Variants in ENOX1 observed in about 807,000 individuals in gnomAD.
The protein encoded by ENOX1 is ecto-NOX disulfide-thiol exchanger 1, also known as candidate growth-related and time keeping constitutive hydroquinone (NADH) oxidase.
A neutral mutation model predicts 82.5 loss-of-function variants in ENOX1; 42 were observed. The ratio of observed to expected loss-of-function variants is 0.51; its 90% confidence interval spans 0.40 to 0.66. The LOEUF (loss-of-function observed/expected upper bound fraction) is 0.66, where lower values mean the gene tolerates loss of function less well. Among genes scored for constraint, ENOX1 ranks in the 30% least tolerant of loss-of-function variants. ENOX1 has a pLI of 0.00. For synonymous variants in ENOX1, 271 were observed against 282.2 expected, an observed-to-expected ratio of 0.96 and a Z score of 0.40; for missense variants, 608 against 811.6, an observed-to-expected ratio of 0.75 and a Z score of 3.05.
At chr13:43,774,478 TTGA>T (rs1951809085) in intron 1 of ENOX1, among the ~76,000 whole-genome samples, 1 of 112,042 alleles carries the variant, frequency 8.9e-6, no homozygotes, top group Non-Finnish European at 1.8e-5. Flanking sequence ...GTGCACGTGA[TTGA>T]TTTTTTCCAA....
At chr13:43,327,756 A>C (rs2048194715) in intron 9 of ENOX1, among the ~76,000 whole-genome samples, 1 of 152,206 alleles carries the variant, frequency 6.6e-6, no homozygotes, top group Admixed American at 6.5e-5. Flanking sequence ...CAGAAGAACA[A>C]CACTTGGTGC....
At chr13:43,222,293 G>A (rs1309592130) in intron 16 of ENOX1, among the ~76,000 whole-genome samples, 1 of 151,864 alleles carries the variant, frequency 6.6e-6, no homozygotes, top group Non-Finnish European at 1.5e-5. Flanking sequence ...AATAGAACAA[G>A]AGCTTCTACC....
chr13:43,484,545 G>A (rs966844398), intron 2 of ENOX1, among the ~76,000 whole-genome samples: 1 of 152,022 alleles, frequency 6.6e-6, no homozygotes, highest in African/African-American at 2.4e-5. Context: ...AAAAGTATTG[G>A]CTCCATTTTA....
intron 3 of ENOX1, among the ~76,000 whole-genome samples, chr13:43,438,440 G>C (rs1256487659): frequency 6.6e-6 from 1 of 152,044 alleles, no homozygotes; most frequent in Admixed American, 6.5e-5. Context: ...CATGTGTGAG[G>C]GCCCAAGAAG....
At chr13:43,785,860 C>T (rs557926266) in intron 1 of ENOX1, among the ~76,000 whole-genome samples, 12 of 151,972 alleles carry the variant, frequency 7.9e-5, no homozygotes, top group African/African-American at 2.9e-4. Flanking sequence ...AGGGGGAGGA[C>T]GTGGGGTGGT....
intron 2 of ENOX1, among the ~76,000 whole-genome samples, chr13:43,598,554 T>C (rs1594029440): frequency 6.6e-6 from 1 of 152,202 alleles, no homozygotes; most frequent in Non-Finnish European, 1.5e-5. Flanking sequence ...GCATGGTCTA[T>C]GGGCAGAAGA....
At chr13:43,259,219 T>C (rs1274346012) in intron 14 of ENOX1, among the ~76,000 whole-genome samples, 2 of 152,198 alleles carry the variant, frequency 1.3e-5, no homozygotes, top group African/African-American at 2.4e-5. Flanking sequence ...AGATTGAAAC[T>C]GGGCTGCTTC....
intron 2 of ENOX1, among the ~76,000 whole-genome samples, chr13:43,582,706 T>C (rs1213994684): frequency 6.6e-6 from 1 of 152,136 alleles, no homozygotes. Flanking sequence ...CCTAAGCAGC[T>C]GGAACTACAG....
intron 16 of ENOX1, among the ~76,000 whole-genome samples, chr13:43,219,498 T>C (rs1278471149): frequency 6.6e-6 from 1 of 152,196 alleles, no homozygotes; most frequent in African/African-American, 2.4e-5. Context: ...ATTTTCAATC[T>C]TTGATATTGT....
At chr13:43,214,746 C>T (rs2041378201) in intron 16 of ENOX1, among the ~76,000 whole-genome samples, 1 of 152,106 alleles carries the variant, frequency 6.6e-6, no homozygotes, top group Non-Finnish European at 1.5e-5. Context: ...AATTTTTACA[C>T]CAATAATTCA....
chr13:43,402,925 T>C (rs1034941193), intron 5 of ENOX1, among the ~76,000 whole-genome samples: 1 of 152,174 alleles, frequency 6.6e-6, no homozygotes, highest in African/African-American at 2.4e-5. Flanking sequence ...TGCAAATATT[T>C]TCCCTCAGCT....
chr13:43,634,411 C>T (rs937698499), intron 2 of ENOX1, among the ~76,000 whole-genome samples: 2 of 152,130 alleles, frequency 1.3e-5, no homozygotes, highest in Non-Finnish European at 2.9e-5. Context: ...TTACCACCTA[C>T]GATGGATTTC....
chr13:43,480,190 C>T (rs1359509903), intron 3 of ENOX1, among the ~76,000 whole-genome samples: 1 of 152,078 alleles, frequency 6.6e-6, no homozygotes, highest in African/African-American at 2.4e-5. Flanking sequence ...CCACCCGCCT[C>T]GGCCTCCCAA....
intron 14 of ENOX1, among the ~76,000 whole-genome samples, chr13:43,247,990 A>C (rs866583298): frequency 9.4e-5 from 13 of 138,378 alleles, no homozygotes; most frequent in South Asian, 7.2e-4. Context: ...GGTTCACGCC[A>C]TTCTCCTGCC....
At chr13:43,635,827 C>T (rs2083393307) in intron 2 of ENOX1, among the ~76,000 whole-genome samples, 1 of 152,108 alleles carries the variant, frequency 6.6e-6, no homozygotes, top group South Asian at 2.1e-4. Context: ...AATGCTCACT[C>T]TGACCTCAAT....
rs35359203 is a variant in ENOX1 at position 43,772,749 on chromosome 13, T to TAAAAAAAAAAAAAAA, written c.-285+13888_-285+13902dup. 4.4e-3 allele frequency among the ~76,000 whole-genome samples: 491 copies of TAAAAAAAAAAAAAAA among 111,906 alleles called. 2 individuals are homozygous for TAAAAAAAAAAAAAAA. The highest frequency in any genetic ancestry group is 0.012 in the African/African-American group (318 of 25,840). The allele number at this position is 111,906 out of a possible 152,430, so 73.4% of individuals were successfully genotyped here. ...GGGCGACAGAGCAAGACTCTGTCTT[T>TAAAAAAAAAAAAAAA]AAAAAAAAAAAAAAAAAAAAAAGAA... On this transcript the variant is annotated intron_variant, in intron 1 of 16. Transcript: ENST00000690772.
chr13:43,571,773 ACCTCCAATT>A (rs1401768547), intron 2 of ENOX1, among the ~76,000 whole-genome samples: 2 of 151,944 alleles, frequency 1.3e-5, no homozygotes, highest in African/African-American at 4.8e-5. Context: ...GAAATATAAG[ACCTCCAATT>A]CCTCATCTGT....
chr13:43,457,163 C>T (rs1045874371), intron 3 of ENOX1, among the ~76,000 whole-genome samples: 9 of 152,246 alleles, frequency 5.9e-5, no homozygotes, highest in South Asian at 2.1e-4. Context: ...TCTAATAAAA[C>T]CAGAAGTTTC....
chr13:43,439,563 C>A (rs954424261), intron 3 of ENOX1, among the ~76,000 whole-genome samples: 1 of 152,184 alleles, frequency 6.6e-6, no homozygotes, highest in African/African-American at 2.4e-5. Context: ...CTTCAACTTG[C>A]AGACAGAACA....
Sources: allele counts gnomAD v4.1 joint callset (sites outside exome capture counted in the v4.1 genomes callset), GRCh38; gene constraint gnomAD v4.1.1; transcripts MANE v1.5; gene names NCBI Gene and HGNC (gene_info 2026-07-23, HGNC 2026-07-21).